The following CIITA variants were observed in gnomAD, a reference collection of about 807,000 sequenced individuals.
CIITA encodes class II major histocompatibility complex transactivator.
In CIITA, 72 loss-of-function variants were observed where a neutral mutation model predicts 115.1. The ratio of observed to expected loss-of-function variants is 0.63; its 90% confidence interval spans 0.52 to 0.76. The LOEUF is 0.76. Ranked by LOEUF, CIITA falls within the 30% of genes least tolerant of loss-of-function variation. CIITA has a pLI of 0.00. For missense variants in CIITA, 1,617 were observed against 1,463.8 expected (o/e 1.10, Z -1.71); for synonymous variants, 763 against 635.6 (o/e 1.20, Z -3.02).
chr16:10,937,224 T>C (rs890040352), downstream of CIITA: 2 of 152,332 alleles, frequency 1.3e-5, no homozygotes, highest in Admixed American at 6.5e-5. This position sits in a 1 kb window ranked among gnomAD's most constrained non-coding sequence, Gnocchi z 4.2. Context: ...GGGGGTATAC[T>C]TGCCTCCCTG....
At chr16:10,897,449 C>A (rs1015554229) in intron 3 of CIITA, among the ~76,000 whole-genome samples, 1 of 152,224 alleles carries the variant, frequency 6.6e-6, no homozygotes, top group African/African-American at 2.4e-5. Context: ...AAAGGCCCCA[C>A]CTCTCAATAC....
At chr16:10,873,457 A>G (rs914947832), upstream of CIITA, among the ~76,000 whole-genome samples, 1 of 152,250 alleles carries the variant, frequency 6.6e-6, no homozygotes, top group African/African-American at 2.4e-5. Flanking sequence ...CAAAGCAAGA[A>G]AATTATAGTT....
At position 10,923,425 on chromosome 16, in the gene CIITA, C is replaced by A; in HGVS notation, c.*22+100C>A. ...AAATGTGGGCGGGACACAGGTGGGG[C>A]TAGGCCACCACCCTTGGACGCATGC... On this transcript the variant is annotated intron_variant, in intron 19 of 19. Coordinates refer to ENST00000324288, the MANE Select transcript of CIITA (RefSeq NM_000246.4). This position sits in a 1 kb window ranked among gnomAD's most constrained non-coding sequence, Gnocchi z 5.2. The A allele has an allele frequency of 1.1e-6, 1 of 903,038 alleles. No individual in the cohort carries two copies. Among genetic ancestry groups the A allele is most frequent in the Non-Finnish European group, 1.8e-6 (1 of 552,162 alleles). 55.9% of individuals were successfully genotyped at this position (903,038 alleles called of 1,614,324 possible). A position where few individuals can be genotyped will look rare whatever the true frequency, so the allele number is the denominator to read the frequency against.
chr16:10,906,743 T>C lies in CIITA; in HGVS notation c.1251T>C (p.Ala417=), dbSNP rs748540952. The change falls in exon 11 of 20, where the codon GCT becomes GCC. Residue 417 remains alanine, a synonymous_variant. Transcript: ENST00000324288. ...HRRPRETRVI[A]VLGKAGQGKS... is the part of the protein sequence containing the mutation. ...GGCCGCGTGAGACACGAGTGATTGCTGTGCTGGGCAAAGCTGGTCAGGGCA... is the reference window on the plus strand; with the variant it reads ...GGCCGCGTGAGACACGAGTGATTGCCGTGCTGGGCAAAGCTGGTCAGGGCA... 3 of 1,610,754 alleles carry C rather than the reference T, an allele frequency of 1.9e-6. No homozygotes were observed. The African/African-American group carries it at 4.0e-5, about 22-fold the overall frequency.
At position 10,931,661 on chromosome 16, in the gene CIITA, T is replaced by G. The variant is rs540326825; in HGVS notation, c.*7806T>G. Reference sequence around the variant, plus strand: ...GAGTTTGAGACCAGCCTGGCCAACATGGCGAAATGAGGTCAAGACTAGCCT... The same window carrying G: ...GAGTTTGAGACCAGCCTGGCCAACAGGGCGAAATGAGGTCAAGACTAGCCT... On this transcript the variant is annotated 3_prime_UTR_variant, in exon 20 of 20. Coordinates refer to ENST00000324288, the MANE Select transcript of CIITA (RefSeq NM_000246.4). 1 of 152,320 alleles carries G rather than the reference T, an allele frequency of 6.6e-6. No homozygotes were observed. The highest frequency in any genetic ancestry group is 2.1e-4 in the South Asian group (1 of 4,824). The allele number at this position is 152,320 out of a possible 1,614,324, so 9.4% of individuals were successfully genotyped here. A position where few individuals can be genotyped will look rare whatever the true frequency, so the allele number is the denominator to read the frequency against.
rs770360091 is a variant in CIITA at position 10,902,747 on chromosome 16, C to T, written c.718C>T (p.Leu240Phe). The change falls in exon 8 of 20, where the codon CTC becomes TTC. Residue 240 changes from leucine to phenylalanine, a missense_variant. Physicochemically the swap from Leu to Phe is conservative, Grantham distance 22 (BLOSUM62 0). Coordinates refer to ENST00000324288, the MANE Select transcript of CIITA (RefSeq NM_000246.4). ...VPTISTLPHG[L>F]WQISEAGTGV... ...CACCATCTCCACTCTGCCCCATGGGCTCTGGCAAATCTCTGAGGCTGGAAC... is the reference window on the plus strand; with the variant it reads ...CACCATCTCCACTCTGCCCCATGGGTTCTGGCAAATCTCTGAGGCTGGAAC... The T allele has an allele frequency of 1.5e-5, 25 of 1,614,232 alleles. No individual in the cohort carries two copies. Among genetic ancestry groups the T allele is most frequent in the Non-Finnish European group, 2.1e-5 (25 of 1,180,038 alleles).
At chr16:10,881,240 G>A (rs1292124294) in intron 1 of CIITA, among the ~76,000 whole-genome samples, 2 of 152,034 alleles carry the variant, frequency 1.3e-5, no homozygotes, top group Non-Finnish European at 2.9e-5. Flanking sequence ...GAGGTTACCC[G>A]AGAGCTGAGA....
Position 10,888,719 on chromosome 16 carries a change from A to G in CIITA, c.53-6563A>G, listed in dbSNP as rs1044329734. ...GTTTCAAAGAGGACCTTCTAAAAAT[A>G]CTGCCCATTTACCAAAAAGACACAG... On this transcript the variant is annotated intron_variant, in intron 1 of 19. Coordinates refer to ENST00000324288, the MANE Select transcript of CIITA (RefSeq NM_000246.4). 3 of 152,288 alleles carry G rather than the reference A, an allele frequency of 2.0e-5. No individual in the cohort carries two copies. The East Asian group carries it at 5.8e-4, about 29-fold the overall frequency. 9.4% of individuals were successfully genotyped at this position (152,288 alleles called of 1,614,324 possible).
At position 10,907,608 on chromosome 16, in the gene CIITA, C is replaced by G. The variant is rs973340011; in HGVS notation, c.2116C>G (p.Leu706Val). 1.2e-6 allele frequency: 2 copies of G among 1,614,238 alleles called. No homozygotes were observed. The highest frequency in any genetic ancestry group is 1.7e-6 in the Non-Finnish European group (2 of 1,180,038). The change falls in exon 11 of 20, where the codon CTG becomes GTG. Residue 706 changes from leucine to valine, a missense_variant. Coordinates refer to ENST00000324288, the MANE Select transcript of CIITA (RefSeq NM_000246.4). This position sits in a 1 kb window ranked among gnomAD's most constrained non-coding sequence, Gnocchi z 5.0. The stretch of plus-strand genomic sequence containing the variant: ...CCCACCGCGGGCCGCAGAGTCCGAG[C>G]TGGCCTTCCCCAGCTTCCTCCTGCA... ...QHPPRAAESE[L>V]AFPSFLLQCF...
At chr16:10,916,200 T>C (rs1443693933) in intron 14 of CIITA, among the ~76,000 whole-genome samples, 167 bp from the exon 15 acceptor site, 4 of 152,190 alleles carry the variant, frequency 2.6e-5, no homozygotes, top group African/African-American at 9.6e-5. Flanking sequence ...CCCCAGGTGA[T>C]GAAGTCCTCG....
chr16:10,911,486 TTC>T (rs1157006107), intron 13 of CIITA, among the ~76,000 whole-genome samples: 6 of 150,312 alleles, frequency 4.0e-5, no homozygotes, highest in Non-Finnish European at 7.4e-5. Context: ...TTTCTTTCCA[TTC>T]TCTTTCTTTC....
chr16:10,884,038 G>C (rs2036677768), intron 1 of CIITA, among the ~76,000 whole-genome samples: 1 of 143,746 alleles, frequency 7.0e-6, no homozygotes, highest in Non-Finnish European at 1.5e-5. Flanking sequence ...TTACATGAGG[G>C]TTTACTCTTG....
intron 1 of CIITA, among the ~76,000 whole-genome samples, chr16:10,886,413 A>G (rs1339746943): frequency 1.3e-5 from 2 of 152,174 alleles, no homozygotes; most frequent in Non-Finnish European, 2.9e-5. Context: ...ACTCTCTGTC[A>G]CCACAAATAA....
intron 1 of CIITA, among the ~76,000 whole-genome samples, chr16:10,868,884 G>C (rs1489833333): frequency 6.6e-6 from 1 of 152,222 alleles, no homozygotes; most frequent in Non-Finnish European, 1.5e-5. Context: ...TGCAGGGCAA[G>C]TTGCTCTTTT....
chr16:10,922,552 T>G lies in CIITA; in HGVS notation c.3317+62T>G, dbSNP rs1462660691. 6.4e-6 allele frequency: 10 copies of G among 1,551,662 alleles called. No individual in the cohort carries two copies. In the African/African-American group the frequency reaches 9.5e-5, roughly 15 times the overall value. On this transcript the variant is annotated intron_variant, in intron 18 of 19. Coordinates refer to ENST00000324288, the MANE Select transcript of CIITA (RefSeq NM_000246.4). ...CACTCCCCAGGCGTGTGGCCCAGTG[T>G]GACCCCGGAGCTCAAATCATGCTCT...
At chr16:10,891,810 G>A (rs987544078) in intron 1 of CIITA, among the ~76,000 whole-genome samples, 4 of 152,310 alleles carry the variant, frequency 2.6e-5, no homozygotes, top group South Asian at 2.1e-4. Context: ...GGAAAAGGGC[G>A]GTGGCCCCAT....
intron 3 of CIITA, among the ~76,000 whole-genome samples, chr16:10,896,188 T>A (rs905789817): frequency 6.6e-6 from 1 of 152,214 alleles, no homozygotes; most frequent in African/African-American, 2.4e-5. Context: ...GTCCATACAT[T>A]ATCATCTGGA....
chr16:10,895,272 T>G lies in CIITA; in HGVS notation c.53-10T>G. On this transcript the variant is annotated splice_polypyrimidine_tract_variant and intron_variant, in intron 1 of 19. Transcript: ENST00000324288. Reference sequence around the variant, plus strand: ...CCTGTGAGGTGACTGAGCATTGTCTTCCCTCCCAGGCAGCTCACAGTGTGC... The same window carrying G: ...CCTGTGAGGTGACTGAGCATTGTCTGCCCTCCCAGGCAGCTCACAGTGTGC... 6.2e-7 allele frequency: 1 copy of G among 1,613,650 alleles called. No homozygotes were observed. The highest frequency in any genetic ancestry group is 2.2e-5 in the East Asian group (1 of 44,876).
Position 10,942,315 on chromosome 16 carries a change from G to A in CIITA, n.1441G>A. ...TCCCTGGCGCTCGCAGGGCCTCGCA[G>A]AGCCGGTGGGGATCCCACCGCGGCT... On this transcript the variant is annotated non_coding_transcript_exon_variant, in exon 2 of 2. Coordinates refer to the CIITA transcript ENST00000573379. The surrounding 1 kb of genome is among the most constrained non-coding windows in gnomAD (Gnocchi z 5.0). The A allele has an allele frequency of 3.6e-6, 1 of 278,406 alleles. No individual in the cohort carries two copies. Among genetic ancestry groups the A allele is most frequent in the South Asian group, 4.3e-5 (1 of 23,260 alleles). The allele number at this position is 278,406 out of a possible 1,614,324, so 17.2% of individuals were successfully genotyped here.
Sources: allele counts gnomAD v4.1 joint callset (sites outside exome capture counted in the v4.1 genomes callset), GRCh38; gene constraint gnomAD v4.1.1; non-coding constraint Gnocchi (gnomAD v3.1); transcripts MANE v1.5; gene names NCBI Gene and HGNC (gene_info 2026-07-23, HGNC 2026-07-21).